The following SNTG1 variants were observed in gnomAD, a reference collection of about 807,000 sequenced individuals.
SNTG1 encodes syntrophin gamma 1.
In SNTG1, 39 loss-of-function variants were observed where a neutral mutation model predicts 74.7. The observed-to-expected ratio is 0.52, with a 90% CI of 0.40 to 0.68. The LOEUF (loss-of-function observed/expected upper bound fraction) is 0.68, where lower values mean the gene tolerates loss of function less well. SNTG1 is among the 30% of genes least tolerant of loss of function. The pLI is 0.00. For synonymous variants in SNTG1, 254 were observed against 217.1 expected, an observed-to-expected ratio of 1.17 and a Z score of -1.49; for missense variants, 685 against 609.5, an observed-to-expected ratio of 1.12 and a Z score of -1.30.
chr8:50,750,347 ACTT>A (rs780508454), intron 17 of SNTG1, among the ~76,000 whole-genome samples: 3 of 152,062 alleles, frequency 2.0e-5, no homozygotes, highest in African/African-American at 4.8e-5. Context: ...GATGGAACCT[ACTT>A]CTTATGAAAA....
In SNTG1 at chr8:50,792,857, C is replaced by T; in HGVS notation, c.*28C>T. On this transcript the variant is annotated 3_prime_UTR_variant, in exon 19 of 19. Transcript: ENST00000642720. ...TACTGAACTCTTCATTGACACACCC[C>T]ATGACTGTATAAGCAGGACACATTT... is the stretch of plus-strand genomic sequence containing the variant. 6.3e-7 allele frequency: 1 copy of T among 1,596,730 alleles called. No individual in the cohort carries two copies. Among genetic ancestry groups the T allele is most frequent in the Non-Finnish European group, 8.5e-7 (1 of 1,170,916 alleles).
Position 50,138,829 on chromosome 8 carries a change from G to A in SNTG1, c.-102-33732G>A, listed in dbSNP as rs192100896. Among the ~76,000 whole-genome samples the A allele has an allele frequency of 2.9e-3, 441 of 151,396 alleles. 4 individuals are homozygous for A. Among genetic ancestry groups the A allele is most frequent in the African/African-American group, 0.01 (419 of 41,252 alleles). On this transcript the variant is annotated intron_variant, in intron 1 of 18. Coordinates refer to ENST00000642720, the MANE Select transcript of SNTG1 (RefSeq NM_018967.5). ...TAAGATATTGAAATTCATAAAAGTGGGTAGGATTATTGCATATTTTCCTAA... is the reference window on the plus strand; with the variant it reads ...TAAGATATTGAAATTCATAAAAGTGAGTAGGATTATTGCATATTTTCCTAA...
intron 12 of SNTG1, among the ~76,000 whole-genome samples, chr8:50,570,109 TA>T (rs2094538356): frequency 6.6e-6 from 1 of 151,964 alleles, no homozygotes; most frequent in Admixed American, 6.6e-5. Context: ...TAACAAGTTT[TA>T]ATATTGGAAA....
chr8:50,078,201 G>C (rs909817378), intron 1 of SNTG1, among the ~76,000 whole-genome samples: 1 of 152,140 alleles, frequency 6.6e-6, no homozygotes, highest in African/African-American at 2.4e-5. Flanking sequence ...TTTCAACACT[G>C]TATAAGGTAC....
intron 2 of SNTG1, among the ~76,000 whole-genome samples, chr8:50,340,044 C>A (rs2091273996): frequency 6.6e-6 from 1 of 151,908 alleles, no homozygotes; most frequent in Non-Finnish European, 1.5e-5. Flanking sequence ...ACTGTGAAAT[C>A]CACAAAGCTC....
At chr8:50,183,442 G>A (rs557843526) in intron 2 of SNTG1, among the ~76,000 whole-genome samples, 1 of 151,986 alleles carries the variant, frequency 6.6e-6, no homozygotes, top group African/African-American at 2.4e-5. Context: ...CATTTTTTCA[G>A]CCCACTTACC....
At position 50,477,153 on chromosome 8, in the gene SNTG1, AAGT is replaced by A. The variant is rs2093703497; in HGVS notation, c.364-25623_364-25621del. Among the ~76,000 whole-genome samples the A allele has an allele frequency of 2.0e-5, 3 of 152,140 alleles. No homozygotes were observed. In the South Asian group the frequency reaches 6.2e-4, roughly 31 times the overall value. On this transcript the variant is annotated intron_variant, in intron 8 of 18. Coordinates refer to ENST00000642720, the MANE Select transcript of SNTG1 (RefSeq NM_018967.5). ...CAGATAAGCTGTACTCATGGAGGTG[AAGT>A]ATGACTTGCCACTTCTTAAGTATGG...
chr8:50,121,364 C>A (rs1175595300), intron 1 of SNTG1, among the ~76,000 whole-genome samples: 1 of 141,950 alleles, frequency 7.0e-6, no homozygotes, highest in Non-Finnish European at 1.6e-5. Flanking sequence ...GGTGTTCCTA[C>A]CTAGTTCTAT....
At chr8:50,061,755 G>T (rs564113617) in intron 1 of SNTG1, among the ~76,000 whole-genome samples, 3 of 152,000 alleles carry the variant, frequency 2.0e-5, no homozygotes, top group Admixed American at 2.0e-4. Context: ...GCAGTATATG[G>T]CTTAATTTTT....
intron 12 of SNTG1, among the ~76,000 whole-genome samples, chr8:50,564,597 G>C (rs977669132): frequency 1.3e-5 from 2 of 152,020 alleles, no homozygotes; most frequent in Non-Finnish European, 2.9e-5. Context: ...TGAAAATCTA[G>C]CTTCTCAGTT....
intron 1 of SNTG1, among the ~76,000 whole-genome samples, chr8:49,997,286 G>A (rs1015705210): frequency 4.6e-5 from 7 of 151,910 alleles, no homozygotes; most frequent in Non-Finnish European, 1.0e-4. Context: ...CAAGAGCATC[G>A]CTTTCCATAA....
chr8:50,211,536 G>A (rs1195648968), intron 2 of SNTG1, among the ~76,000 whole-genome samples: 2 of 152,050 alleles, frequency 1.3e-5, no homozygotes, highest in Non-Finnish European at 2.9e-5. Flanking sequence ...GCACCAATGA[G>A]ATTGCAAGAC....
chr8:50,287,516 G>C (rs1307149557), intron 2 of SNTG1, among the ~76,000 whole-genome samples: 1 of 137,374 alleles, frequency 7.3e-6, no homozygotes, highest in African/African-American at 2.5e-5. Context: ...AGGTGCCCTG[G>C]GGTCAAGCAG....
At chr8:50,510,760 T>A (rs2094063662) in intron 9 of SNTG1, among the ~76,000 whole-genome samples, 1 of 152,210 alleles carries the variant, frequency 6.6e-6, no homozygotes, top group African/African-American at 2.4e-5. Context: ...TCGGTGGTGA[T>A]ATCCCCTTTA....
At chr8:50,414,813 A>C (rs912471382) in intron 4 of SNTG1, among the ~76,000 whole-genome samples, 1 of 151,898 alleles carries the variant, frequency 6.6e-6, no homozygotes, top group Non-Finnish European at 1.5e-5. Context: ...CCTGGCTTCT[A>C]ATATCAGTCT....
chr8:49,917,641 G>A (rs2129339473), intron 1 of SNTG1, among the ~76,000 whole-genome samples: 1 of 152,252 alleles, frequency 6.6e-6, no homozygotes. Flanking sequence ...CATTTCTCCA[G>A]ATAAATCCCC....
chr8:50,702,329 TCAGA>T (rs1387750090), intron 15 of SNTG1, among the ~76,000 whole-genome samples: 1 of 152,132 alleles, frequency 6.6e-6, no homozygotes, highest in Non-Finnish European at 1.5e-5. Context: ...TTTTCTCCCT[TCAGA>T]CAGAGTAGGA....
intron 17 of SNTG1, chr8:50,747,655 A>G (rs2095558176): frequency 6.6e-6 from 1 of 151,938 alleles, no homozygotes; most frequent in Non-Finnish European, 1.5e-5. Flanking sequence ...ATCTTGTTTT[A>G]GTATTAATCT....
At chr8:49,987,380 T>C (rs1183363878) in intron 1 of SNTG1, among the ~76,000 whole-genome samples, 1 of 152,114 alleles carries the variant, frequency 6.6e-6, no homozygotes, top group Non-Finnish European at 1.5e-5. Context: ...ATTTAAAGTC[T>C]CTGGAAATTA....
Sources: gnomAD v4.1 joint callset for allele counts (sites outside exome capture counted in the v4.1 genomes callset) on GRCh38, gnomAD v4.1.1 for gene constraint, MANE v1.5 for transcripts, NCBI Gene and HGNC (gene_info 2026-07-23, HGNC 2026-07-21) for gene names.